The following APBB2 variants were observed in gnomAD, a reference collection of about 807,000 sequenced individuals.
APBB2 encodes Fe65-like 1.
In APBB2, 38 loss-of-function variants were observed where a neutral mutation model predicts 82.5. That is an observed-to-expected ratio of 0.46 (90% CI 0.36 to 0.60). The LOEUF is 0.60. Among genes scored for constraint, APBB2 ranks in the 20% least tolerant of loss-of-function variants. The pLI is 0.00. For missense variants in APBB2, 772 were observed against 972.3 expected (o/e 0.79, Z 2.74); for synonymous variants, 341 against 368.2 (o/e 0.93, Z 0.85).
chr4:40,834,589 G>A (rs1753188829), intron 12 of APBB2, among the ~76,000 whole-genome samples: 1 of 152,144 alleles, frequency 6.6e-6, no homozygotes, highest in African/African-American at 2.4e-5. Flanking sequence ...TCCCTTACAT[G>A]CCAACAGGGG....
chr4:40,841,598 T>C (rs1221871637), intron 12 of APBB2, among the ~76,000 whole-genome samples: 6 of 152,098 alleles, frequency 3.9e-5, no homozygotes, highest in Non-Finnish European at 8.8e-5. Flanking sequence ...TCAGTGCTTC[T>C]GGCTAGGCTA....
intron 10 of APBB2, among the ~76,000 whole-genome samples, chr4:40,928,099 T>C (rs1783096483): frequency 6.6e-6 from 1 of 151,962 alleles, no homozygotes; most frequent in African/African-American, 2.4e-5. Context: ...TGCCAAGGAG[T>C]TGTCTTCTTA....
At chr4:41,163,491 T>C (rs1203519126) in intron 1 of APBB2, among the ~76,000 whole-genome samples, 1 of 152,200 alleles carries the variant, frequency 6.6e-6, no homozygotes, top group Non-Finnish European at 1.5e-5. Context: ...TAAAAGATAA[T>C]ATAAGCTGAT....
At chr4:40,922,328 T>C (rs1781467043) in intron 10 of APBB2, among the ~76,000 whole-genome samples, 2 of 152,236 alleles carry the variant, frequency 1.3e-5, no homozygotes, top group Admixed American at 6.5e-5. Flanking sequence ...CTGCTATGTA[T>C]GTACTAGCTA....
chr4:40,853,457 CT>C (rs112974904), intron 12 of APBB2, among the ~76,000 whole-genome samples: 81 of 146,108 alleles, frequency 5.5e-4, no homozygotes, highest in Admixed American at 8.9e-4. Context: ...TGCTTTCCTT[CT>C]TTTTTTTTTT....
chr4:41,099,999 A>C (rs890702252), intron 3 of APBB2, among the ~76,000 whole-genome samples: 7 of 152,204 alleles, frequency 4.6e-5, no homozygotes, highest in African/African-American at 1.7e-4. Flanking sequence ...CAAAAAGATA[A>C]GAGAATAAAA....
At chr4:41,075,509 A>C (rs1234330712) in intron 3 of APBB2, among the ~76,000 whole-genome samples, 16 of 152,210 alleles carry the variant, frequency 1.1e-4, no homozygotes, top group Admixed American at 1.0e-3. Context: ...CAAGGGTCCA[A>C]CATTATTCAT....
rs149669632 is a variant in APBB2, at chr4:41,005,917, G to A, written c.835+7666C>T. 2.3e-3 allele frequency among the ~76,000 whole-genome samples: 350 copies of A among 152,206 alleles called. 1 individual carries two copies. Among genetic ancestry groups the A allele is most frequent in the African/African-American group, 8.1e-3 (335 of 41,530 alleles). ...AACATCCACATCCCAACTGACTGAC[G>A]TTTCTTCCTTTTCTTAGCACTCAAG... On this transcript the variant is annotated intron_variant, in intron 6 of 17. Coordinates refer to ENST00000508593, the MANE Select transcript of APBB2 (RefSeq NM_004307.2).
At chr4:40,981,941 T>G (rs1356414728) in intron 6 of APBB2, among the ~76,000 whole-genome samples, 3 of 151,792 alleles carry the variant, frequency 2.0e-5, no homozygotes, top group African/African-American at 7.3e-5. Context: ...ATCCCAGCAC[T>G]TTGGGAGGCC....
chr4:41,042,268 C>T (rs1721811164), intron 4 of APBB2, among the ~76,000 whole-genome samples: 1 of 152,156 alleles, frequency 6.6e-6, no homozygotes, highest in South Asian at 2.1e-4. Flanking sequence ...GGATTACAGG[C>T]GTGAGCCACC....
At chr4:40,976,849 G>A (rs1439332841) in intron 6 of APBB2, among the ~76,000 whole-genome samples, 7 of 152,072 alleles carry the variant, frequency 4.6e-5, no homozygotes, top group African/African-American at 1.7e-4. Flanking sequence ...AGATCAGCCT[G>A]AGCAACATGG....
At chr4:41,207,748 A>G (rs17527877) in intron 1 of APBB2, 12,142 of 152,256 alleles carry the variant, frequency 0.08, 689 homozygotes, top group Non-Finnish European at 0.12. Context: ...GCTGACCCAC[A>G]AACTCCACAT....
At chr4:40,842,211 G>A (rs1756046408) in intron 12 of APBB2, among the ~76,000 whole-genome samples, 1 of 152,228 alleles carries the variant, frequency 6.6e-6, no homozygotes, top group Admixed American at 6.5e-5. Context: ...TTAAATGCTG[G>A]TGATAAGAGG....
intron 2 of APBB2, among the ~76,000 whole-genome samples, chr4:41,126,840 C>T (rs1432430465): frequency 6.6e-6 from 1 of 152,150 alleles, no homozygotes; most frequent in East Asian, 1.9e-4. Context: ...CTAGGACCCT[C>T]CTTAATTTTA....
intron 3 of APBB2, among the ~76,000 whole-genome samples, chr4:41,083,158 T>C (rs1240520993): frequency 6.6e-6 from 1 of 151,768 alleles, no homozygotes; most frequent in African/African-American, 2.4e-5. Flanking sequence ...GAACAAGACT[T>C]TGTCTCAATA....
intron 6 of APBB2, among the ~76,000 whole-genome samples, chr4:40,950,860 A>G (rs1789954851): frequency 6.6e-6 from 1 of 152,218 alleles, no homozygotes; most frequent in Admixed American, 6.5e-5. Context: ...AAATAATTAA[A>G]AAAATTAAAA....
intron 1 of APBB2, among the ~76,000 whole-genome samples, chr4:41,168,835 C>T (rs553291070): frequency 2.0e-5 from 3 of 152,200 alleles, no homozygotes; most frequent in African/African-American, 7.2e-5. Context: ...CAGGAAATGA[C>T]TTGCCAGCCC....
intron 6 of APBB2, among the ~76,000 whole-genome samples, chr4:40,989,760 G>A (rs561044638): frequency 1.3e-5 from 2 of 152,138 alleles, no homozygotes; most frequent in African/African-American, 2.4e-5. Context: ...GAGCCTCGTC[G>A]GAAGGGGAAT....
chr4:41,007,861 C>T (rs776258346), intron 6 of APBB2, among the ~76,000 whole-genome samples: 3 of 152,108 alleles, frequency 2.0e-5, no homozygotes, highest in Non-Finnish European at 4.4e-5. Flanking sequence ...TTTCATGGAG[C>T]TCTAAGTCTA....
Sources: allele counts gnomAD v4.1 joint callset (sites outside exome capture counted in the v4.1 genomes callset), GRCh38; gene constraint gnomAD v4.1.1; transcripts MANE v1.5; gene names NCBI Gene and HGNC (gene_info 2026-07-23, HGNC 2026-07-21).